MATN2: variants seen among roughly 807,000 people sequenced by gnomAD.
MATN2 encodes the protein matrilin 2.
In MATN2, 69 loss-of-function variants were observed where a neutral mutation model predicts 103.2. The observed-to-expected ratio is 0.67, with a 90% CI of 0.55 to 0.82. The LOEUF (loss-of-function observed/expected upper bound fraction) is 0.82. Ranked by LOEUF, MATN2 falls within the 40% of genes least tolerant of loss-of-function variation. MATN2 has a pLI of 0.00. For missense variants in MATN2, 1,023 were observed against 1,211.5 expected, an observed-to-expected ratio of 0.84 and a Z score of 2.31; for synonymous variants, 429 against 450.2, an observed-to-expected ratio of 0.95 and a Z score of 0.60.
chr8:97,968,436 G>A (rs956306024), intron 5 of MATN2, among the ~76,000 whole-genome samples: 11 of 152,190 alleles, frequency 7.2e-5, no homozygotes, highest in African/African-American at 2.4e-4. Flanking sequence ...TTCCAAACTC[G>A]TACATTCTGC....
chr8:97,983,684 C>T (rs1402806379), intron 6 of MATN2, among the ~76,000 whole-genome samples: 1 of 152,176 alleles, frequency 6.6e-6, no homozygotes, highest in Non-Finnish European at 1.5e-5. Flanking sequence ...GGTCATTATA[C>T]TCATTGTTTT....
chr8:97,925,047 G>A (rs1355184332), intron 2 of MATN2, among the ~76,000 whole-genome samples: 1 of 152,030 alleles, frequency 6.6e-6, no homozygotes. Context: ...TTTGTGAATC[G>A]GGCAGCACCC....
In MATN2 at chr8:98,007,433, C is replaced by A; in HGVS notation, c.1451-46C>A. The A allele has an allele frequency of 6.3e-7, 1 of 1,594,874 alleles. No individual in the cohort carries two copies. The highest frequency in any genetic ancestry group is 8.6e-7 in the Non-Finnish European group (1 of 1,164,894). Reference sequence around the variant, plus strand: ...GGTCACTTGATCCAATCACTGTCGCCCAGAGGTCTCACTGATAAAGGGCTG... The same window carrying A: ...GGTCACTTGATCCAATCACTGTCGCACAGAGGTCTCACTGATAAAGGGCTG... On this transcript the variant is annotated intron_variant, in intron 9 of 18. Coordinates refer to ENST00000254898, the MANE Select transcript of MATN2 (RefSeq NM_002380.5). This position sits in a 1 kb window ranked among gnomAD's most constrained non-coding sequence, Gnocchi z 4.2.
chr8:98,001,860 A>C (rs1195131556), intron 7 of MATN2, among the ~76,000 whole-genome samples: 1 of 152,116 alleles, frequency 6.6e-6, no homozygotes, highest in Non-Finnish European at 1.5e-5. Flanking sequence ...ACTAGGGCAT[A>C]TTCCCACCCC....
chr8:97,949,136 A>C (rs926976789), intron 4 of MATN2, among the ~76,000 whole-genome samples: 1 of 151,986 alleles, frequency 6.6e-6, no homozygotes, highest in East Asian at 1.9e-4. Context: ...CAATGTTATC[A>C]GACAGGAGAT....
intron 1 of MATN2, among the ~76,000 whole-genome samples, chr8:97,875,841 G>A (rs868051810): frequency 3.4e-5 from 5 of 147,688 alleles, no homozygotes; most frequent in African/African-American, 1.2e-4. Context: ...GACTACAGGT[G>A]CCCGCCACCC....
intron 10 of MATN2, among the ~76,000 whole-genome samples, chr8:98,009,838 C>T (rs767582275): frequency 2.6e-5 from 4 of 152,174 alleles, no homozygotes; most frequent in Admixed American, 6.5e-5. Flanking sequence ...CAAGGGCATC[C>T]CAGCACCAAG....
intron 2 of MATN2, among the ~76,000 whole-genome samples, chr8:97,929,672 C>A (rs1255221564): frequency 6.6e-6 from 1 of 152,150 alleles, no homozygotes; most frequent in Non-Finnish European, 1.5e-5. Flanking sequence ...TGCCTTTTTC[C>A]AATTTAACTG....
At position 97,919,531 on chromosome 8, in the gene MATN2, C is replaced by T. The variant is rs186754814; in HGVS notation, c.143-11422C>T. ...ACAGGCATGAGCCACGATGCCCAGC[C>T]GTCCCCACCTCTTTCTGATGTTATC... On this transcript the variant is annotated intron_variant, in intron 2 of 18. Transcript: ENST00000254898. Among the ~76,000 whole-genome samples, 15 of 152,336 alleles carry T rather than the reference C, an allele frequency of 9.8e-5. No homozygotes were observed. In the East Asian group the frequency reaches 1.7e-3, roughly 18 times the overall value.
chr8:98,021,016 C>T, intron 12 of MATN2, 189 bp from the exon 13 acceptor site: 1 of 501,306 alleles, frequency 2.0e-6, no homozygotes, highest in Non-Finnish European at 3.6e-6. Flanking sequence ...CTCATGGGAG[C>T]TAGAGCTTTC....
At chr8:97,939,581 T>C (rs1334781313) in intron 3 of MATN2, among the ~76,000 whole-genome samples, 3 of 152,088 alleles carry the variant, frequency 2.0e-5, no homozygotes, top group Non-Finnish European at 1.5e-5. Context: ...GCCCCGGAGA[T>C]TGAGGCTGCA....
intron 3 of MATN2, among the ~76,000 whole-genome samples, chr8:97,933,961 T>G (rs1474128098): frequency 6.6e-6 from 1 of 152,210 alleles, no homozygotes; most frequent in Non-Finnish European, 1.5e-5. Flanking sequence ...CTCTTGCCAC[T>G]CTCTTTTTAC....
At chr8:97,940,091 G>A (rs754887812) in intron 3 of MATN2, among the ~76,000 whole-genome samples, 2 of 152,068 alleles carry the variant, frequency 1.3e-5, no homozygotes, top group Non-Finnish European at 2.9e-5. Flanking sequence ...CCTTTTTGAG[G>A]TTCTTATGAG....
intron 10 of MATN2, among the ~76,000 whole-genome samples, chr8:98,015,862 G>A (rs1305897892): frequency 6.6e-6 from 1 of 152,068 alleles, no homozygotes; most frequent in Non-Finnish European, 1.5e-5. Context: ...CTCATTGCAG[G>A]GACTCACAAA....
At chr8:98,019,592 A>C (rs956809138) in intron 12 of MATN2, among the ~76,000 whole-genome samples, 2 of 152,224 alleles carry the variant, frequency 1.3e-5, no homozygotes, top group Non-Finnish European at 2.9e-5. Context: ...AGCCTAGCCA[A>C]AGTGACACAT....
At chr8:97,987,148 A>C (rs1016922279) in intron 6 of MATN2, among the ~76,000 whole-genome samples, 77 of 151,926 alleles carry the variant, frequency 5.1e-4, no homozygotes, top group African/African-American at 1.8e-3. Context: ...GCCTACTTTT[A>C]GTTCTTTAAG....
intron 3 of MATN2, among the ~76,000 whole-genome samples, chr8:97,938,771 T>A (rs1810460572): frequency 6.6e-6 from 1 of 152,234 alleles, no homozygotes; most frequent in African/African-American, 2.4e-5. Flanking sequence ...ATATTCCTGA[T>A]GGAATATAGG....
intron 6 of MATN2, among the ~76,000 whole-genome samples, chr8:97,981,939 G>A (rs1259387889): frequency 6.7e-6 from 1 of 150,262 alleles, no homozygotes; most frequent in Non-Finnish European, 1.5e-5. Context: ...TAGGAGCCAC[G>A]GGAGGGGCTG....
chr8:97,972,317 C>T (rs569582934), intron 5 of MATN2, among the ~76,000 whole-genome samples: 13 of 137,250 alleles, frequency 9.5e-5, no homozygotes, highest in Non-Finnish European at 1.4e-4. Context: ...AGAGCCTGGG[C>T]GACAGAATGA....
Sources: allele counts gnomAD v4.1 joint callset (sites outside exome capture counted in the v4.1 genomes callset), GRCh38; gene constraint gnomAD v4.1.1; non-coding constraint Gnocchi (gnomAD v3.1); transcripts MANE v1.5; gene names NCBI Gene and HGNC (gene_info 2026-07-23, HGNC 2026-07-21).